CLNK: variants seen among roughly 807,000 people sequenced by gnomAD.
CLNK encodes cytokine dependent hematopoietic cell linker, also known as cytokine-dependent hematopoietic cell linker.
In CLNK, 74 loss-of-function variants were observed where a neutral mutation model predicts 68.6. The observed-to-expected ratio is 1.08, with a 90% confidence interval of 0.89 to 1.31. The LOEUF is 1.31. CLNK is among the 50% of genes most tolerant of loss of function. The pLI is 0.00. For missense variants in CLNK, 553 were observed against 515.3 expected (o/e 1.07, Z -0.71); for synonymous variants, 198 against 172.2 (o/e 1.15, Z -1.17).
intron 2 of CLNK, among the ~76,000 whole-genome samples, chr4:10,662,533 C>G (rs1042851287): frequency 7.2e-5 from 11 of 152,140 alleles, no homozygotes; most frequent in African/African-American, 2.4e-4. Context: ...CTACAAAAAC[C>G]TTTCAGTATT....
intron 2 of CLNK, among the ~76,000 whole-genome samples, chr4:10,663,114 C>T (rs1238152185): frequency 1.3e-5 from 2 of 152,192 alleles, no homozygotes; most frequent in Non-Finnish European, 2.9e-5. Context: ...TCTTATCAGT[C>T]CTGTCCAGAA....
chr4:10,633,092 C>T (rs1722952393), intron 2 of CLNK, among the ~76,000 whole-genome samples: 1 of 152,118 alleles, frequency 6.6e-6, no homozygotes, highest in African/African-American at 2.4e-5. Flanking sequence ...CATGTGCTAC[C>T]ACACTAGGCT....
chr4:10,673,055 A>G (rs931734800), intron 1 of CLNK, among the ~76,000 whole-genome samples: 1 of 152,228 alleles, frequency 6.6e-6, no homozygotes, highest in Non-Finnish European at 1.5e-5. Flanking sequence ...TAACAATTTG[A>G]TCATGGAAAA....
chr4:10,554,483 A>G (rs935637597), intron 8 of CLNK, among the ~76,000 whole-genome samples: 3 of 152,144 alleles, frequency 2.0e-5, no homozygotes, highest in African/African-American at 7.2e-5. Flanking sequence ...TAAATTTGTT[A>G]TATCAAACAG....
intron 14 of CLNK, among the ~76,000 whole-genome samples, chr4:10,524,971 T>A (rs1248829770): frequency 6.6e-6 from 1 of 152,190 alleles, no homozygotes; most frequent in African/African-American, 2.4e-5. Flanking sequence ...AGTGAGATCA[T>A]GAGGGCCTTA....
intron 1 of CLNK, 122 bp downstream of exon 1, chr4:10,684,546 G>T (rs1417043062): frequency 1.3e-5 from 2 of 152,140 alleles, no homozygotes; most frequent in African/African-American, 4.8e-5. Flanking sequence ...CTATATATAA[G>T]GCCCAGACTT....
chr4:10,734,281 A>G, the CLNK span, among the ~76,000 whole-genome samples: 2 of 152,216 alleles, frequency 1.3e-5, no homozygotes, highest in African/African-American at 4.8e-5. Flanking sequence ...AATGCTATAA[A>G]TCTACGATTG....
At chr4:10,657,171 C>T (rs2108886345) in intron 2 of CLNK, among the ~76,000 whole-genome samples, 1 of 152,292 alleles carries the variant, frequency 6.6e-6, no homozygotes, top group East Asian at 1.9e-4. Flanking sequence ...CAAAACTCGG[C>T]AGTCTGGGTG....
intron 18 of CLNK, among the ~76,000 whole-genome samples, chr4:10,496,342 C>G (rs1466987318): frequency 6.6e-6 from 1 of 152,174 alleles, no homozygotes; most frequent in Non-Finnish European, 1.5e-5. Flanking sequence ...TTTAGCAGAG[C>G]CTTGCTATGT....
intron 2 of CLNK, among the ~76,000 whole-genome samples, chr4:10,608,882 G>A (rs972927353): frequency 3.9e-5 from 6 of 152,188 alleles, no homozygotes; most frequent in Non-Finnish European, 8.8e-5. Flanking sequence ...GTGAGAGCCT[G>A]TTTCCTGATT....
At chr4:10,693,166 A>G in the CLNK span, among the ~76,000 whole-genome samples, 2 of 152,324 alleles carry the variant, frequency 1.3e-5, no homozygotes, top group South Asian at 2.1e-4. Flanking sequence ...GTAACAATGA[A>G]TGTAAAAGGG....
At chr4:10,698,060 A>T in the CLNK span, among the ~76,000 whole-genome samples, 286 of 152,318 alleles carry the variant, frequency 1.9e-3, 1 homozygote, top group African/African-American at 6.2e-3. Flanking sequence ...AAGCTGCAAT[A>T]AGCAGATTGT....
At chr4:10,514,623 C>T (rs1175303796) in intron 15 of CLNK, among the ~76,000 whole-genome samples, 5 of 150,532 alleles carry the variant, frequency 3.3e-5, no homozygotes, top group Non-Finnish European at 5.9e-5. Context: ...AAGATTTAAA[C>T]GTTAGACCAA....
chr4:10,563,786 A>T (rs530864083), intron 7 of CLNK, among the ~76,000 whole-genome samples: 3 of 152,284 alleles, frequency 2.0e-5, no homozygotes, highest in African/African-American at 7.2e-5. Flanking sequence ...GTGCACCTGT[A>T]ATCCCAGCTA....
intron 2 of CLNK, among the ~76,000 whole-genome samples, chr4:10,621,870 T>C (rs1722473327): frequency 6.6e-6 from 1 of 152,182 alleles, no homozygotes; most frequent in Non-Finnish European, 1.5e-5. Flanking sequence ...CTAAGGGTAA[T>C]TGAACACTCC....
At chr4:10,501,801 C>T (rs1717065739) in intron 17 of CLNK, among the ~76,000 whole-genome samples, 2 of 152,176 alleles carry the variant, frequency 1.3e-5, no homozygotes, top group African/African-American at 4.8e-5. Context: ...GTGGCGGGCG[C>T]CTGTAATCCC....
Position 10,495,848 on chromosome 4 carries a change from G to T in CLNK, c.1141-5235C>A, listed in dbSNP as rs527678838. ...ATAGAGAGAGAGAGATGAGGAGAAG[G>T]TCACGTGATCATAGAGGCAGAGACT... On this transcript the variant is annotated intron_variant, in intron 18 of 18. Transcript: ENST00000226951. 3.3e-5 allele frequency among the ~76,000 whole-genome samples: 5 copies of T among 152,104 alleles called. No individual in the cohort carries two copies. The South Asian group carries it at 6.2e-4, about 19-fold the overall frequency.
At chr4:10,573,545 G>C (rs1339405490) in intron 4 of CLNK, among the ~76,000 whole-genome samples, 7 of 152,076 alleles carry the variant, frequency 4.6e-5, no homozygotes, top group African/African-American at 1.7e-4. Flanking sequence ...CTCATGAATC[G>C]AGTTAAATTA....
At chr4:10,597,900 G>C (rs950008989) in intron 3 of CLNK, 78 bp downstream of exon 3, 1 of 972,696 alleles carries the variant, frequency 1.0e-6, no homozygotes, top group African/African-American at 1.6e-5. Flanking sequence ...GACAATTTTC[G>C]TGTTTGTGAT....
Sources: gnomAD v4.1 joint callset for allele counts (sites outside exome capture counted in the v4.1 genomes callset) on GRCh38, gnomAD v4.1.1 for gene constraint, MANE v1.5 for transcripts, NCBI Gene and HGNC (gene_info 2026-07-23, HGNC 2026-07-21) for gene names.